The following TTLL11 variants were observed in gnomAD, a reference collection of about 807,000 sequenced individuals.
The protein encoded by TTLL11 is tubulin tyrosine ligase like 11.
In TTLL11, 42 loss-of-function variants were observed where a neutral mutation model predicts 51.7. That is an observed-to-expected ratio of 0.81 (90% CI 0.64 to 1.05). The LOEUF is 1.05. Ranked by LOEUF, TTLL11 falls within the 50% of genes least tolerant of loss-of-function variation. The pLI, the probability that TTLL11 is intolerant of heterozygous loss-of-function variation, is 0.00. For synonymous variants in TTLL11, 381 were observed against 383.5 expected, an observed-to-expected ratio of 0.99 and a Z score of 0.08; for missense variants, 799 against 940.4, an observed-to-expected ratio of 0.85 and a Z score of 1.97.
intron 4 of TTLL11, among the ~76,000 whole-genome samples, chr9:121,977,903 G>C (rs144776552): frequency 1.3e-4 from 20 of 152,178 alleles, no homozygotes; most frequent in Middle Eastern, 3.4e-3. Context: ...TCCAACTCCT[G>C]ACCTCAGGTG....
intron 7 of TTLL11, among the ~76,000 whole-genome samples, chr9:121,860,931 C>T (rs1837987057): frequency 6.6e-6 from 1 of 152,310 alleles, no homozygotes. Context: ...CTTACCACAG[C>T]TGGAACTACC....
At chr9:122,008,575 G>T (rs1843715127) in intron 3 of TTLL11, among the ~76,000 whole-genome samples, 1 of 152,242 alleles carries the variant, frequency 6.6e-6, no homozygotes, top group Non-Finnish European at 1.5e-5. Flanking sequence ...TCTTGGCGAT[G>T]ATGTGGAGAA....
rs1432281726 is a variant in TTLL11 at position 122,032,812 on chromosome 9, T to G, written c.560-956A>C. Among the ~76,000 whole-genome samples, 8 of 150,764 alleles carry G rather than the reference T, an allele frequency of 5.3e-5. No individual in the cohort carries two copies. In the East Asian group the frequency reaches 1.6e-3, roughly 29 times the overall value. On this transcript the variant is annotated intron_variant, in intron 2 of 8. Transcript: ENST00000321582. ...TTCATTTTTTCTTTTTTTTTTTTTTTGAAACACAGCCTTGCTTTAATGCCC... is the reference window on the plus strand; with the variant it reads ...TTCATTTTTTCTTTTTTTTTTTTTTGGAAACACAGCCTTGCTTTAATGCCC...
chr9:122,028,025 T>C (rs1247555313), intron 3 of TTLL11, among the ~76,000 whole-genome samples: 1 of 152,214 alleles, frequency 6.6e-6, no homozygotes, highest in Non-Finnish European at 1.5e-5. Flanking sequence ...TGTAAGGCGC[T>C]AATATGTTAC....
intron 8 of TTLL11, among the ~76,000 whole-genome samples, chr9:121,836,999 A>G (rs1156287818): frequency 6.6e-6 from 1 of 152,246 alleles, no homozygotes; most frequent in African/African-American, 2.4e-5. Flanking sequence ...CTGTATCCAT[A>G]TAATTTTGCA....
chr9:122,002,525 G>A (rs777444846), intron 3 of TTLL11, among the ~76,000 whole-genome samples: 1 of 152,148 alleles, frequency 6.6e-6, no homozygotes, highest in Non-Finnish European at 1.5e-5. Context: ...GAAAAGCACT[G>A]ATAATTGTGT....
At chr9:121,847,830 C>A (rs1438384014) in intron 8 of TTLL11, among the ~76,000 whole-genome samples, 3 of 151,748 alleles carry the variant, frequency 2.0e-5, no homozygotes, top group South Asian at 4.2e-4. Flanking sequence ...AATACCTAAA[C>A]CAGATAATGA....
At chr9:122,079,861 C>T (rs1374442564) in intron 1 of TTLL11, among the ~76,000 whole-genome samples, 1 of 152,074 alleles carries the variant, frequency 6.6e-6, no homozygotes, top group Non-Finnish European at 1.5e-5. Flanking sequence ...GGCACAGTGG[C>T]TCACACCTAG....
intron 1 of TTLL11, among the ~76,000 whole-genome samples, chr9:122,045,841 T>C (rs935848831): frequency 6.6e-6 from 1 of 151,820 alleles, no homozygotes; most frequent in Non-Finnish European, 1.5e-5. Flanking sequence ...GAACCTAGAG[T>C]AGTCAAATTC....
intron 2 of TTLL11, among the ~76,000 whole-genome samples, chr9:122,039,044 G>A (rs1430847220): frequency 1.3e-5 from 2 of 152,110 alleles, no homozygotes; most frequent in Non-Finnish European, 1.5e-5. Flanking sequence ...AACCCAAAAA[G>A]TGGAAACCAT....
At chr9:121,885,970 C>A (rs1000329227) in intron 6 of TTLL11, among the ~76,000 whole-genome samples, 1 of 152,194 alleles carries the variant, frequency 6.6e-6, no homozygotes, top group African/African-American at 2.4e-5. Context: ...CTCAAGGAAA[C>A]CTTCTGCCTT....
At chr9:121,839,218 A>C (rs995974093) in intron 8 of TTLL11, among the ~76,000 whole-genome samples, 3 of 152,196 alleles carry the variant, frequency 2.0e-5, no homozygotes, top group Non-Finnish European at 2.9e-5. Flanking sequence ...TCCATGTTTA[A>C]TGTCTGCCTC....
intron 6 of TTLL11, among the ~76,000 whole-genome samples, chr9:121,910,071 A>G (rs1840063957): frequency 6.6e-6 from 1 of 152,220 alleles, no homozygotes; most frequent in Admixed American, 6.5e-5. Context: ...TTTCAAAATA[A>G]AGATAAGAAA....
chr9:121,858,376 T>G (rs1300279430), intron 8 of TTLL11, among the ~76,000 whole-genome samples: 2 of 152,318 alleles, frequency 1.3e-5, no homozygotes, highest in East Asian at 3.9e-4. Flanking sequence ...CATGCCTCTC[T>G]AGGCCTCAGT....
intron 3 of TTLL11, among the ~76,000 whole-genome samples, chr9:122,031,383 A>AT (rs1844535800): frequency 6.6e-6 from 1 of 152,108 alleles, no homozygotes; most frequent in African/African-American, 2.4e-5. Context: ...CGGCTCTAGG[A>AT]TTCCCCCAGC....
chr9:121,899,397 A>T (rs1330839971), intron 6 of TTLL11, among the ~76,000 whole-genome samples: 1 of 78,122 alleles, frequency 1.3e-5, no homozygotes, highest in Non-Finnish European at 3.1e-5. Context: ...ATATATATAT[A>T]TATATACACA....
rs1370751849 is a variant in TTLL11, at chr9:121,896,238, G to T, written c.1482-25490C>A. Among the ~76,000 whole-genome samples the T allele has an allele frequency of 2.0e-5, 3 of 152,100 alleles. No individual in the cohort carries two copies. In the East Asian group the frequency reaches 5.8e-4, roughly 29 times the overall value. ...CTGGGAATGGTTCCACCTTGGTCCA[G>T]CGCAGCAGATTAATCTAGAAAGAAT... On this transcript the variant is annotated intron_variant, in intron 6 of 8. Coordinates refer to ENST00000321582, the MANE Select transcript of TTLL11 (RefSeq NM_001139442.2).
At chr9:122,083,830 G>A (rs1418661601) in intron 1 of TTLL11, among the ~76,000 whole-genome samples, 3 of 152,040 alleles carry the variant, frequency 2.0e-5, no homozygotes, top group Non-Finnish European at 4.4e-5. Flanking sequence ...AAAGAAGTCT[G>A]TAAAGATACA....
At chr9:121,881,557 G>A (rs866549856) in intron 6 of TTLL11, among the ~76,000 whole-genome samples, 17 of 152,146 alleles carry the variant, frequency 1.1e-4, no homozygotes, top group Admixed American at 6.5e-5. Context: ...ACTTACCTGC[G>A]CTGGCACATC....
Sources: allele counts gnomAD v4.1 joint callset (sites outside exome capture counted in the v4.1 genomes callset), GRCh38; gene constraint gnomAD v4.1.1; transcripts MANE v1.5; gene names NCBI Gene and HGNC (gene_info 2026-07-23, HGNC 2026-07-21).